Variants in LRP1 observed in about 807,000 individuals in gnomAD.
LRP1 encodes the protein prolow-density lipoprotein receptor-related protein 1.
LRP1 carries 51 observed loss-of-function variants against 541.5 expected under a neutral mutation model. The ratio of observed to expected loss-of-function variants is 0.09; its 90% CI spans 0.08 to 0.12. The LOEUF (loss-of-function observed/expected upper bound fraction) is 0.12, where lower values mean the gene tolerates loss of function less well. Among genes scored for constraint, LRP1 ranks in the 10% least tolerant of loss-of-function variants. LRP1 has a pLI of 1.00. For synonymous variants in LRP1, 2,219 were observed against 2,470.8 expected, an observed-to-expected ratio of 0.90 and a Z score of 3.02; for missense variants, 3,878 against 6,376.2, an observed-to-expected ratio of 0.61 and a Z score of 13.34.
chr12:57,207,314 TAAA>T (rs2036804513), intron 76 of LRP1, among the ~76,000 whole-genome samples: 3 of 124,352 alleles, frequency 2.4e-5, no homozygotes, highest in South Asian at 4.9e-4. Context: ...AATAAATAAA[TAAA>T]TAAATAAAAT....
Position 57,212,480 on chromosome 12 carries a change from C to A in LRP1, c.13560C>A (p.Ser4520=), listed in dbSNP as rs146030401. The change falls in exon 89 of 89, where the codon TCC becomes TCA. Residue 4520 remains serine (S), a synonymous_variant. Transcript: ENST00000243077. This position sits in a 1 kb window ranked among gnomAD's most constrained non-coding sequence, Gnocchi z 5.0. The part of the protein sequence containing the change: ...LYMGGHGSRH[S]LASTDEKREL... ...TGGGGGGCCATGGCAGTCGCCACTC[C>A]CTGGCCAGCACGGACGAGAAGCGAG... The A allele has an allele frequency of 1.5e-4, 235 of 1,614,000 alleles. No individual in the cohort carries two copies. Among genetic ancestry groups the A allele is most frequent in the Non-Finnish European group, 1.9e-4 (221 of 1,180,024 alleles).
In LRP1 at chr12:57,211,851, G is replaced by C. The variant is rs760693930; in HGVS notation, c.13258+37G>C. The C allele has an allele frequency of 6.2e-7, 1 of 1,613,332 alleles. No individual in the cohort carries two copies. Among genetic ancestry groups the C allele is most frequent in the Non-Finnish European group, 8.5e-7 (1 of 1,179,916 alleles). ...GGGTTGGGGCAGGCAGGGCCACCGGGACCTAGAGCAGGGGGACCGTGTGCC... is the reference window on the plus strand; with the variant it reads ...GGGTTGGGGCAGGCAGGGCCACCGGCACCTAGAGCAGGGGGACCGTGTGCC... On this transcript the variant is annotated intron_variant, in intron 86 of 88. Transcript: ENST00000243077. This position sits in a 1 kb window ranked among gnomAD's most constrained non-coding sequence, Gnocchi z 4.3.
At chr12:57,141,269 T>G in intron 2 of LRP1, 105 bp from the exon 3 acceptor site, 1 of 1,375,406 alleles carries the variant, frequency 7.3e-7, no homozygotes, top group Non-Finnish European at 1.0e-6. Flanking sequence ...CGAGGCCTCC[T>G]GAGATCTGAA....
rs1284142230 is a variant in LRP1 at position 57,154,555 on chromosome 12, C to T, written c.1081C>T (p.Leu361Phe). Residue 361 changes from leucine to phenylalanine, a missense_variant, in exon 8 of 89, where the codon CTC becomes TTC. Physicochemically the swap from Leu to Phe is conservative, Grantham distance 22 (BLOSUM62 0). Coordinates refer to ENST00000243077, the MANE Select transcript of LRP1 (RefSeq NM_002332.3). The surrounding 1 kb of genome is among the most constrained non-coding windows in gnomAD (Gnocchi z 4.6). ...CATGGATGGGCAGAACCGCACCAAGCTCGTCGACAGCAAGATTGTGTTTCC... is the reference window on the plus strand; with the variant it reads ...CATGGATGGGCAGAACCGCACCAAGTTCGTCGACAGCAAGATTGTGTTTCC... ...CDMDGQNRTK[L>F]VDSKIVFPHG... is the part of the protein sequence containing the mutation. The T allele has an allele frequency of 1.2e-6, 2 of 1,614,228 alleles. No homozygotes were observed. Among genetic ancestry groups the T allele is most frequent in the Admixed American group, 1.7e-5 (1 of 60,024 alleles).
chr12:57,199,463 C>T (rs1333235070), intron 61 of LRP1, 63 bp downstream of exon 61: 1 of 1,524,568 alleles, frequency 6.6e-7, no homozygotes, highest in Non-Finnish European at 8.9e-7. Context: ...CCTGGGAGTT[C>T]CTGCTCATCC....
chr12:57,160,854 G>T, intron 12 of LRP1, 39 bp from the exon 13 acceptor site: 1 of 1,536,716 alleles, frequency 6.5e-7, no homozygotes. Context: ...TGTTGATGGC[G>T]GGGGTGCCCA....
rs1171402846 is a variant in LRP1, at chr12:57,183,336, G to A, written c.5663-43G>A. 3 of 1,578,698 alleles carry A rather than the reference G, an allele frequency of 1.9e-6. No homozygotes were observed. The highest frequency in any genetic ancestry group is 2.6e-6 in the Non-Finnish European group (3 of 1,155,770). On this transcript the variant is annotated intron_variant, in intron 34 of 88. Coordinates refer to ENST00000243077, the MANE Select transcript of LRP1 (RefSeq NM_002332.3). The surrounding 1 kb of genome is among the most constrained non-coding windows in gnomAD (Gnocchi z 6.1). ...AGGGTGACAGGAACCAAGTTTAAGG[G>A]AGTGTTGGCGATACCCATGCCTTAA...
At chr12:57,195,610 G>A in intron 52 of LRP1, 48 bp from the exon 53 acceptor site, 1 of 1,613,274 alleles carries the variant, frequency 6.2e-7, no homozygotes, top group Non-Finnish European at 8.5e-7. Context: ...GGGACGGTCG[G>A]CCGCTGGCCA....
In LRP1 at chr12:57,212,388, C is replaced by T. The variant is rs1166066369; in HGVS notation, c.13495-27C>T. On this transcript the variant is annotated intron_variant, in intron 88 of 88. Transcript: ENST00000243077. This position sits in a 1 kb window ranked among gnomAD's most constrained non-coding sequence, Gnocchi z 5.0. ...GGGCTACAGGCCCAGCTCCTGAGCCCTACCTGAACCCTCTGTCACCCTGCA... is the reference window on the plus strand; with the variant it reads ...GGGCTACAGGCCCAGCTCCTGAGCCTTACCTGAACCCTCTGTCACCCTGCA... 1 of 1,614,016 alleles carries T rather than the reference C, an allele frequency of 6.2e-7. No homozygotes were observed. Among genetic ancestry groups the T allele is most frequent in the Admixed American group, 1.7e-5 (1 of 60,020 alleles).
chr12:57,177,092 G>T lies in LRP1; in HGVS notation c.4043G>T (p.Gly1348Val). The T allele has an allele frequency of 6.2e-7, 1 of 1,614,216 alleles. No individual in the cohort carries two copies. The highest frequency in any genetic ancestry group is 8.5e-7 in the Non-Finnish European group (1 of 1,180,044). ...CAGTATGGCCTGGCCACACCCGAGG[G>T]CCTGGCTGTAGACTGGATTGCAGGC... ...VIQYGLATPEGLAVDWIAGNI... is the reference protein window; with the variant it reads ...VIQYGLATPEVLAVDWIAGNI... The change falls in exon 25 of 89, where the codon GGC (glycine) becomes GTC (valine). Residue 1348 changes from glycine (G) to valine (V), a missense_variant. By Grantham distance (109) the Gly-to-Val change is moderately radical. Around this residue, in one of 13 missense-constraint regions of LRP1, gnomAD observed 24 missense variants for 109.1 expected, o/e 0.22. Transcript: ENST00000243077. The surrounding 1 kb of genome is among the most constrained non-coding windows in gnomAD (Gnocchi z 6.8).
Position 57,178,731 on chromosome 12 carries a change from C to T in LRP1, c.4606+128C>T. 2 of 1,523,420 alleles carry T rather than the reference C, an allele frequency of 1.3e-6. No homozygotes were observed. Among genetic ancestry groups the T allele is most frequent in the East Asian group, 4.5e-5 (2 of 44,224 alleles). The allele number at this position is 1,523,420 out of a possible 1,614,324, so 94.4% of individuals were successfully genotyped here. ...TCTGTGCTGGGATGGCAGGGGTAGG[C>T]CGGCTGTTGACAGAGGCACTGTCTA... On this transcript the variant is annotated intron_variant, in intron 27 of 88. Transcript: ENST00000243077. The surrounding 1 kb of genome is among the most constrained non-coding windows in gnomAD (Gnocchi z 5.8).
chr12:57,190,913 T>C lies in LRP1; in HGVS notation c.7140T>C (p.Asn2380=). The C allele has an allele frequency of 6.2e-7, 1 of 1,613,718 alleles. No individual in the cohort carries two copies. Among genetic ancestry groups the C allele is most frequent in the Non-Finnish European group, 8.5e-7 (1 of 1,179,992 alleles). The change falls in exon 43 of 89, where the codon AAT becomes AAC. Residue 2380 remains asparagine (N), a synonymous_variant. Transcript: ENST00000243077. The part of the protein sequence containing the change: ...TLIEKDIRTP[N]GLAIDHRAEK... The stretch of plus-strand genomic sequence containing the variant: ...TCGAGAAGGACATCCGTACCCCCAA[T>C]GGCCTGGCCATCGACCACCGTGCCG...
At chr12:57,208,650 G>T (rs189346349) in intron 77 of LRP1, 61 bp from the exon 78 acceptor site, 293 of 1,036,050 alleles carry the variant, frequency 2.8e-4, no homozygotes, top group Non-Finnish European at 2.0e-4. Context: ...CTGGTGTCCT[G>T]CCTGGGCCTG....
At chr12:57,143,565 T>A in intron 3 of LRP1, 114 bp from the exon 4 acceptor site, 5 of 1,316,940 alleles carry the variant, frequency 3.8e-6, no homozygotes, top group Middle Eastern at 2.8e-4. Flanking sequence ...TCTCTGACAC[T>A]GCAGCCCTTA....
At chr12:57,190,157 C>T (rs1303092554) in intron 42 of LRP1, among the ~76,000 whole-genome samples, 2 of 152,128 alleles carry the variant, frequency 1.3e-5, no homozygotes, top group East Asian at 1.9e-4. Context: ...CCTCAAAGTA[C>T]GGAGAAGGGG....
At position 57,156,663 on chromosome 12, in the gene LRP1, G is replaced by T; in HGVS notation, c.1418-114G>T. The T allele has an allele frequency of 8.1e-7, 1 of 1,240,112 alleles. No homozygotes were observed. The highest frequency in any genetic ancestry group is 1.1e-6 in the Non-Finnish European group (1 of 913,250). The allele number at this position is 1,240,112 out of a possible 1,614,324, so 76.8% of individuals were successfully genotyped here. ...CTGTGGCTTCCAAATCCTAAAATGG[G>T]ATAGCAAGCACAAAGACCACAGCAG... is the stretch of plus-strand genomic sequence containing the variant. On this transcript the variant is annotated intron_variant, in intron 9 of 88. Coordinates refer to ENST00000243077, the MANE Select transcript of LRP1 (RefSeq NM_002332.3). The surrounding 1 kb of genome is among the most constrained non-coding windows in gnomAD (Gnocchi z 5.2).
Position 57,212,557 on chromosome 12 carries a change from G to GCCCT in LRP1, c.*3_*6dup. The stretch of plus-strand genomic sequence containing the variant: ...GAGATAGGGGACCCCTTGGCATAGG[G>GCCCT]CCCTGCCCCGTCGGACTGCCCCCAG... On this transcript the variant is annotated 3_prime_UTR_variant, in exon 89 of 89. Coordinates refer to ENST00000243077, the MANE Select transcript of LRP1 (RefSeq NM_002332.3). The surrounding 1 kb of genome is among the most constrained non-coding windows in gnomAD (Gnocchi z 5.0). The GCCCT allele has an allele frequency of 6.3e-7, 1 of 1,588,282 alleles. No individual in the cohort carries two copies. The highest frequency in any genetic ancestry group is 1.3e-5 in the African/African-American group (1 of 74,422).
At chr12:57,174,045 T>G in intron 22 of LRP1, 65 bp downstream of exon 22, 6 of 1,513,790 alleles carry the variant, frequency 4.0e-6, no homozygotes, top group Non-Finnish European at 5.4e-6. Flanking sequence ...CCAAGGACAG[T>G]CTTTGGGGGA....
At position 57,169,179 on chromosome 12, in the gene LRP1, G is replaced by A. The variant is rs2035896482; in HGVS notation, c.3035G>A (p.Ser1012Asn). The change falls in exon 20 of 89, where the codon AGC (serine) becomes AAC (asparagine). Residue 1012 changes from serine (S) to asparagine (N), a missense_variant. By Grantham distance (46) the Ser-to-Asn change is conservative (BLOSUM62 1). This residue lies in a region of LRP1 where 320 missense variants were observed against 547.9 expected (regional missense o/e 0.58). Transcript: ENST00000243077. Reference protein sequence around the residue: ...CGDNSDEAGCSHSCSSTQFKC... With the variant: ...CGDNSDEAGCNHSCSSTQFKC... ...GACAACAGTGACGAAGCCGGCTGCA[G>A]CCACTCCTGTTCTAGCACCCAGTTC... 6.2e-7 allele frequency: 1 copy of A among 1,613,246 alleles called. No individual in the cohort carries two copies. The highest frequency in any genetic ancestry group is 1.7e-5 in the Admixed American group (1 of 60,000).
Sources: gnomAD v4.1 joint callset for allele counts (sites outside exome capture counted in the v4.1 genomes callset) on GRCh38, gnomAD v4.1.1 for gene constraint, gnomAD v4.1.1 regional missense constraint, Gnocchi (gnomAD v3.1) non-coding constraint, MANE v1.5 for transcripts, NCBI Gene and HGNC (gene_info 2026-07-23, HGNC 2026-07-21) for gene names.